ATRNL1: variants seen among roughly 807,000 people sequenced by gnomAD.
ATRNL1 encodes the protein attractin like 1, also known as attractin-like protein 1.
A neutral mutation model predicts 182.7 loss-of-function variants in ATRNL1; 95 were observed. The observed-to-expected ratio is 0.52, with a 90% confidence interval of 0.44 to 0.62. The LOEUF is 0.62. ATRNL1 is among the 20% of genes least tolerant of loss of function. ATRNL1 has a pLI of 0.00. For synonymous variants in ATRNL1, 576 were observed against 568.3 expected (o/e 1.01, Z -0.19); for missense variants, 1,471 against 1,679.5 (o/e 0.88, Z 2.17).
chr10:115,529,458 G>C (rs995464190), intron 25 of ATRNL1, among the ~76,000 whole-genome samples: 1 of 151,420 alleles, frequency 6.6e-6, no homozygotes, highest in Admixed American at 6.6e-5. Context: ...GAAATAAATG[G>C]AAATTTTCTT....
intron 26 of ATRNL1, among the ~76,000 whole-genome samples, chr10:115,688,201 C>A (rs1946280121): frequency 1.3e-5 from 2 of 151,960 alleles, no homozygotes; most frequent in Non-Finnish European, 2.9e-5. Flanking sequence ...ATTACATTTC[C>A]TTTACTCATT....
At chr10:115,916,916 G>A (rs554735641) in intron 28 of ATRNL1, among the ~76,000 whole-genome samples, 1 of 152,186 alleles carries the variant, frequency 6.6e-6, no homozygotes, top group Non-Finnish European at 1.5e-5. Flanking sequence ...TGCTTAGGAG[G>A]ACCAGGCTCA....
At chr10:115,906,963 G>A (rs1952522512) in intron 28 of ATRNL1, among the ~76,000 whole-genome samples, 1 of 139,308 alleles carries the variant, frequency 7.2e-6, no homozygotes, top group Admixed American at 6.8e-5. Context: ...CTTTAAATAT[G>A]ATGTTTGAGT....
intron 21 of ATRNL1, among the ~76,000 whole-genome samples, chr10:115,453,193 C>CT (rs1847360269): frequency 6.6e-6 from 1 of 152,042 alleles, no homozygotes; most frequent in Non-Finnish European, 1.5e-5. Flanking sequence ...AGTTTAGTTT[C>CT]TTTTGATCTG....
intron 27 of ATRNL1, among the ~76,000 whole-genome samples, chr10:115,729,560 GT>G (rs1182316544): frequency 1.8e-4 from 24 of 135,582 alleles, no homozygotes; most frequent in East Asian, 1.1e-3. Flanking sequence ...GCTTCTTTTT[GT>G]TTTTTTTTCC....
chr10:115,144,279 C>A (rs1249036759), intron 5 of ATRNL1, among the ~76,000 whole-genome samples: 3 of 152,132 alleles, frequency 2.0e-5, no homozygotes, highest in Non-Finnish European at 2.9e-5. Context: ...TCCGGAGTAG[C>A]TGGGACTGCA....
At chr10:115,614,886 C>A (rs1857354699) in intron 26 of ATRNL1, among the ~76,000 whole-genome samples, 2 of 151,998 alleles carry the variant, frequency 1.3e-5, no homozygotes, top group African/African-American at 4.8e-5. Context: ...TTTTTCTCAT[C>A]CCTTCATTTT....
chr10:115,780,881 C>T (rs1212027293), intron 27 of ATRNL1, among the ~76,000 whole-genome samples: 4 of 152,162 alleles, frequency 2.6e-5, no homozygotes, highest in African/African-American at 9.7e-5. Context: ...TGAGACCCAG[C>T]ACATTCCCAG....
intron 26 of ATRNL1, among the ~76,000 whole-genome samples, chr10:115,641,903 G>C (rs1859269041): frequency 6.6e-6 from 1 of 151,684 alleles, no homozygotes; most frequent in Admixed American, 6.6e-5. Flanking sequence ...TTCTCAATCT[G>C]ATTTCATCGT....
At chr10:115,640,477 C>G (rs1176001411) in intron 26 of ATRNL1, among the ~76,000 whole-genome samples, 1 of 152,104 alleles carries the variant, frequency 6.6e-6, no homozygotes, top group African/African-American at 2.4e-5. Context: ...TTCAAACTGG[C>G]ATGAGATGGT....
intron 26 of ATRNL1, among the ~76,000 whole-genome samples, chr10:115,681,260 C>T (rs1228355729): frequency 6.6e-6 from 1 of 151,962 alleles, no homozygotes; most frequent in Admixed American, 6.6e-5. Flanking sequence ...GAGGCTAAGT[C>T]CTTGAAAAGT....
chr10:115,544,627 GA>G (rs1406478094), intron 25 of ATRNL1, among the ~76,000 whole-genome samples: 1 of 152,140 alleles, frequency 6.6e-6, no homozygotes, highest in Non-Finnish European at 1.5e-5. Flanking sequence ...AGCCATGAAG[GA>G]TCTTTTCCCC....
At chr10:115,288,107 A>G (rs936343153) in intron 15 of ATRNL1, among the ~76,000 whole-genome samples, 1 of 151,644 alleles carries the variant, frequency 6.6e-6, no homozygotes, top group Non-Finnish European at 1.5e-5. Context: ...TATTTACCAC[A>G]TTTTGTTTAT....
chr10:115,658,078 G>A (rs1860435962), intron 26 of ATRNL1, among the ~76,000 whole-genome samples: 3 of 139,582 alleles, frequency 2.1e-5, no homozygotes, highest in African/African-American at 7.8e-5. Flanking sequence ...TATACTGTTA[G>A]TAATTTTTTT....
chr10:115,156,979 G>A (rs1846551340), intron 5 of ATRNL1, among the ~76,000 whole-genome samples: 1 of 151,956 alleles, frequency 6.6e-6, no homozygotes, highest in African/African-American at 2.4e-5. Flanking sequence ...GAGGGATGAC[G>A]AGAGGTTGGA....
At chr10:115,132,254 A>G (rs1477494929) in intron 5 of ATRNL1, among the ~76,000 whole-genome samples, 1 of 152,356 alleles carries the variant, frequency 6.6e-6, no homozygotes, top group Non-Finnish European at 1.5e-5. Flanking sequence ...TACAAAGGAC[A>G]TGAACTCATC....
intron 27 of ATRNL1, among the ~76,000 whole-genome samples, chr10:115,822,272 C>A (rs894409108): frequency 2.6e-5 from 4 of 152,046 alleles, no homozygotes; most frequent in Non-Finnish European, 5.9e-5. Context: ...TGGGACACAG[C>A]TAAAGCAGTG....
At chr10:115,269,148 G>A (rs2133889556) in intron 13 of ATRNL1, among the ~76,000 whole-genome samples, 1 of 152,138 alleles carries the variant, frequency 6.6e-6, no homozygotes, top group South Asian at 2.1e-4. Context: ...TGTTGTGGGA[G>A]GGCTGTTCTA....
At chr10:115,780,985 A>G (rs1217117444) in intron 27 of ATRNL1, among the ~76,000 whole-genome samples, 1 of 152,198 alleles carries the variant, frequency 6.6e-6, no homozygotes, top group Admixed American at 6.5e-5. Flanking sequence ...ACATCTATAT[A>G]TGTGAACTCC....
Sources: gnomAD v4.1 joint callset for allele counts (sites outside exome capture counted in the v4.1 genomes callset) on GRCh38, gnomAD v4.1.1 for gene constraint, MANE v1.5 for transcripts, NCBI Gene and HGNC (gene_info 2026-07-23, HGNC 2026-07-21) for gene names.